Variants in TMOD3 observed in about 807,000 individuals in gnomAD.
TMOD3 encodes tropomodulin-3.
A neutral mutation model predicts 39.2 loss-of-function variants in TMOD3; 20 were observed. The observed-to-expected ratio is 0.51, with a 90% CI of 0.36 to 0.74. The LOEUF is 0.74. TMOD3 is among the 30% of genes least tolerant of loss of function. The pLI is 0.00. For missense variants in TMOD3, 381 were observed against 412.8 expected (o/e 0.92, Z 0.67); for synonymous variants, 143 against 145.8 (o/e 0.98, Z 0.14).
chr15:51,882,504 A>G (rs2141697064), intron 3 of TMOD3, among the ~76,000 whole-genome samples: 1 of 152,240 alleles, frequency 6.6e-6, no homozygotes, highest in South Asian at 2.1e-4. Flanking sequence ...GTCTCAAAAG[A>G]AAAAAACCAA....
chr15:51,887,220 CAAAA>C (rs35718814), intron 3 of TMOD3, among the ~76,000 whole-genome samples: 1 of 104,762 alleles, frequency 9.5e-6, no homozygotes, highest in South Asian at 3.3e-4. Context: ...GACTCCATCT[CAAAA>C]AAAAAAAAAG....
rs1478115935 is a variant in TMOD3 at position 51,910,173 on chromosome 15, G to T, written c.*1363G>T. On this transcript the variant is annotated 3_prime_UTR_variant, in exon 10 of 10. Coordinates refer to ENST00000308580, the MANE Select transcript of TMOD3 (RefSeq NM_014547.5). ...ACAGGGAGGAATGGAATCTGAGGTAGCCCTGGCCTCAAAATTCAGGCCTGG... is the reference window on the plus strand; with the variant it reads ...ACAGGGAGGAATGGAATCTGAGGTATCCCTGGCCTCAAAATTCAGGCCTGG... 2 of 152,226 alleles carry T rather than the reference G, an allele frequency of 1.3e-5. No individual in the cohort carries two copies. The highest frequency in any genetic ancestry group is 2.9e-5 in the Non-Finnish European group (2 of 68,046). 9.4% of individuals were successfully genotyped at this position (152,226 alleles called of 1,614,324 possible).
Position 51,829,684 on chromosome 15 carries a change from T to C in TMOD3, c.-227T>C, listed in dbSNP as rs2056243064. 6.6e-6 allele frequency: 1 copy of C among 152,124 alleles called. No individual in the cohort carries two copies. The highest frequency in any genetic ancestry group is 2.1e-4 in the South Asian group (1 of 4,824). The allele number at this position is 152,124 out of a possible 1,614,324, so 9.4% of individuals were successfully genotyped here. On this transcript the variant is annotated 5_prime_UTR_variant, in exon 1 of 10. Transcript: ENST00000308580. ...GGAACCCACCGCACCTACAGGGCGG[T>C]CGAGTGAGGGAGCTGCTGGCGGGTG...
Position 51,915,274 on chromosome 15 carries a change from TG to T in TMOD3, c.*6465del, listed in dbSNP as rs1210354795. ...ACCTCTACTCAGAAAGATAAGCTTT[TG>T]ATTCAGTGGTTTCAAATTTTCAGAT... is the stretch of plus-strand genomic sequence containing the variant. On this transcript the variant is annotated 3_prime_UTR_variant, in exon 10 of 10. Transcript: ENST00000308580. 6.6e-6 allele frequency: 1 copy of T among 152,218 alleles called. No individual in the cohort carries two copies. Among genetic ancestry groups the T allele is most frequent in the African/African-American group, 2.4e-5 (1 of 41,466 alleles). 9.4% of individuals were successfully genotyped at this position (152,218 alleles called of 1,614,324 possible). A position where few individuals can be genotyped will look rare whatever the true frequency, so the allele number is the denominator to read the frequency against.
chr15:51,869,119 A>T, intron 2 of TMOD3, 98 bp from the exon 3 acceptor site: 1 of 1,350,550 alleles, frequency 7.4e-7, no homozygotes, highest in African/African-American at 1.5e-5. Context: ...CCTGTATCAC[A>T]TTCCAGTCTG....
At chr15:51,859,973 CT>C in intron 1 of TMOD3, 1 of 545,876 alleles carries the variant, frequency 1.8e-6, no homozygotes, top group Non-Finnish European at 3.7e-6. Context: ...CTTAGTAAAT[CT>C]TTCCAAGCAA....
At chr15:51,903,376 A>C (rs2056662818) in intron 9 of TMOD3, among the ~76,000 whole-genome samples, 1 of 152,256 alleles carries the variant, frequency 6.6e-6, no homozygotes. Context: ...TTAGACAAGA[A>C]GTAAAACAAG....
At chr15:51,874,030 T>A (rs2056489160) in intron 3 of TMOD3, among the ~76,000 whole-genome samples, 1 of 152,228 alleles carries the variant, frequency 6.6e-6, no homozygotes, top group South Asian at 2.1e-4. Context: ...ATTATACTTC[T>A]TATTTTTTCA....
chr15:51,906,420 G>C (rs1217883150), intron 9 of TMOD3, among the ~76,000 whole-genome samples: 1 of 152,076 alleles, frequency 6.6e-6, no homozygotes, highest in Non-Finnish European at 1.5e-5. Flanking sequence ...CTCTCTCATT[G>C]TTTTCTTAGT....
intron 5 of TMOD3, among the ~76,000 whole-genome samples, chr15:51,890,090 C>G (rs968031093): frequency 2.0e-5 from 3 of 151,736 alleles, no homozygotes; most frequent in Non-Finnish European, 2.9e-5. Flanking sequence ...TATACATAGT[C>G]TCTTATTTTT....
intron 3 of TMOD3, among the ~76,000 whole-genome samples, chr15:51,871,459 A>T (rs1012088024): frequency 1.3e-5 from 2 of 152,196 alleles, no homozygotes; most frequent in East Asian, 3.8e-4. Context: ...AAAGGAATGG[A>T]GGTAGAAACA....
chr15:51,873,979 A>G (rs533435443), intron 3 of TMOD3, among the ~76,000 whole-genome samples: 1 of 152,306 alleles, frequency 6.6e-6, no homozygotes, highest in African/African-American at 2.4e-5. Context: ...TTACTTACCT[A>G]GTCATTAGAC....
intron 1 of TMOD3, chr15:51,858,239 A>T (rs1408959298): frequency 3.9e-5 from 6 of 152,036 alleles, no homozygotes; most frequent in Admixed American, 3.9e-4. Context: ...GTTTGTATAG[A>T]GATGAGGTCT....
chr15:51,865,390 G>A (rs1470470080), intron 2 of TMOD3, among the ~76,000 whole-genome samples: 1 of 151,976 alleles, frequency 6.6e-6, no homozygotes, highest in African/African-American at 2.4e-5. Flanking sequence ...GGAAAGAGCT[G>A]GGACTAGATC....
At chr15:51,872,530 T>C (rs2056480283) in intron 3 of TMOD3, among the ~76,000 whole-genome samples, 2 of 152,084 alleles carry the variant, frequency 1.3e-5, no homozygotes, top group African/African-American at 4.8e-5. Context: ...TTGAACTTTA[T>C]ATCGATGGAA....
At chr15:51,901,191 T>C (rs1021144941) in intron 8 of TMOD3, 1 of 152,290 alleles carries the variant, frequency 6.6e-6, no homozygotes. Flanking sequence ...CCTCATTCTT[T>C]TATGACTGAA....
Position 51,901,969 on chromosome 15 carries a change from A to G in TMOD3, c.957A>G (p.Gly319=), listed in dbSNP as rs760938249. 37 of 1,614,076 alleles carry G rather than the reference A, an allele frequency of 2.3e-5. No individual in the cohort carries two copies. The highest frequency in any genetic ancestry group is 3.3e-5 in the Admixed American group (2 of 60,000). Residue 319 remains glycine, a synonymous_variant, in exon 9 of 10, where the codon GGA becomes GGG. Coordinates refer to ENST00000308580, the MANE Select transcript of TMOD3 (RefSeq NM_014547.5). ...AAAATACAAATATCCTTAAATTTGG[A>G]TATCAGTTTACACAGCAGGGACCAC... ...LEENTNILKF[G]YQFTQQGPRT... is the part of the protein sequence containing the mutation.
intron 7 of TMOD3, chr15:51,898,927 A>G (rs963970583): frequency 2.0e-5 from 3 of 151,834 alleles, no homozygotes; most frequent in Non-Finnish European, 4.4e-5. Flanking sequence ...ATTAATCAAT[A>G]TGGTACTTAT....
chr15:51,855,049 C>G (rs2056381161), intron 1 of TMOD3, among the ~76,000 whole-genome samples: 1 of 152,198 alleles, frequency 6.6e-6, no homozygotes, highest in Non-Finnish European at 1.5e-5. Flanking sequence ...ATAGCCTCCA[C>G]TAGCTGAAGT....
Sources: gnomAD v4.1 joint callset for allele counts (sites outside exome capture counted in the v4.1 genomes callset) on GRCh38, gnomAD v4.1.1 for gene constraint, MANE v1.5 for transcripts, NCBI Gene and HGNC (gene_info 2026-07-23, HGNC 2026-07-21) for gene names.